The following PEPD variants were observed in gnomAD, a reference collection of about 807,000 sequenced individuals.
The protein encoded by PEPD is peptidase D.
In PEPD, 53 loss-of-function variants were observed where a neutral mutation model predicts 60.7. The observed-to-expected ratio is 0.87, with a 90% CI of 0.70 to 1.10. The LOEUF (loss-of-function observed/expected upper bound fraction) is 1.10. Among genes scored for constraint, PEPD ranks in the 50% least tolerant of loss-of-function variants. The probability of loss-of-function intolerance (pLI) is 0.00; values close to 1 mark genes in which losing one functional copy is unlikely to be tolerated. For missense variants in PEPD, 711 were observed against 711.9 expected (o/e 1.00, Z 0.01); for synonymous variants, 267 against 284.1 (o/e 0.94, Z 0.60).
chr19:33,413,970 C>T lies in PEPD; in HGVS notation c.672-327G>A, dbSNP rs112061430. Among the ~76,000 whole-genome samples the T allele has an allele frequency of 5.8e-4, 89 of 152,342 alleles. 1 individual carries two copies. Among genetic ancestry groups the T allele is most frequent in the Middle Eastern group, 3.4e-3 (1 of 294 alleles). Reference sequence around the variant, plus strand: ...TCAGGACAGATGGGACTCCTGGAGCCTGCGCCCTGTGGGAAGCCGGGCTGG... The same window carrying T: ...TCAGGACAGATGGGACTCCTGGAGCTTGCGCCCTGTGGGAAGCCGGGCTGG... On this transcript the variant is annotated intron_variant, in intron 9 of 14. Coordinates refer to ENST00000244137, the MANE Select transcript of PEPD (RefSeq NM_000285.4).
chr19:33,461,433 C>A (rs1259103105), intron 9 of PEPD, among the ~76,000 whole-genome samples: 1 of 152,170 alleles, frequency 6.6e-6, no homozygotes, highest in Non-Finnish European at 1.5e-5. Context: ...GGGTCGGGCT[C>A]TGGGACGCTG....
At chr19:33,450,108 GCTT>G (rs1969668649) in intron 9 of PEPD, among the ~76,000 whole-genome samples, 2 of 152,248 alleles carry the variant, frequency 1.3e-5, no homozygotes, top group Non-Finnish European at 2.9e-5. Flanking sequence ...AGGTGTGACT[GCTT>G]CTTCTTGACT....
chr19:33,433,771 C>T (rs1170111507), intron 9 of PEPD, among the ~76,000 whole-genome samples: 3 of 152,192 alleles, frequency 2.0e-5, no homozygotes, highest in African/African-American at 7.2e-5. Flanking sequence ...GGTCATTTTA[C>T]CGTGTCGGTC....
chr19:33,389,940 G>C (rs1968174029), intron 13 of PEPD, among the ~76,000 whole-genome samples: 1 of 152,384 alleles, frequency 6.6e-6, no homozygotes, highest in African/African-American at 2.4e-5. Flanking sequence ...AGAGCCATGT[G>C]GGGAGGGCAC....
chr19:33,514,843 T>A (rs1970996854), intron 1 of PEPD, among the ~76,000 whole-genome samples: 1 of 151,240 alleles, frequency 6.6e-6, no homozygotes, highest in South Asian at 2.1e-4. Context: ...TCCACTGTCT[T>A]CCTCCCTCTC....
chr19:33,411,670 AC>A lies in PEPD; in HGVS notation c.818+1del. 1 of 1,582,916 alleles carries A rather than the reference AC, an allele frequency of 6.3e-7. No homozygotes were observed. Among genetic ancestry groups the A allele is most frequent in the Non-Finnish European group, 8.7e-7 (1 of 1,152,014 alleles). On this transcript the variant is annotated splice_donor_variant, in intron 11 of 14. Transcript: ENST00000244137. LOFTEE classifies it high-confidence loss of function. ...AGAGCCAGGGCCGCTGGCCCTACTT[AC>A]CACATATCCCCATTCTGGATCGTTC...
At chr19:33,459,241 C>T (rs1969882633) in intron 9 of PEPD, among the ~76,000 whole-genome samples, 2 of 152,136 alleles carry the variant, frequency 1.3e-5, no homozygotes, top group South Asian at 4.1e-4. Context: ...TCTCATGACC[C>T]CCCAGAAACA....
intron 9 of PEPD, among the ~76,000 whole-genome samples, chr19:33,416,342 A>G (rs931243730): frequency 6.6e-6 from 1 of 152,144 alleles, no homozygotes; most frequent in Non-Finnish European, 1.5e-5. Flanking sequence ...TCATCCCTGG[A>G]GCAGGCTAGC....
intron 12 of PEPD, chr19:33,396,286 CG>C (rs1968358244): frequency 6.6e-6 from 1 of 152,444 alleles, no homozygotes; most frequent in South Asian, 2.1e-4. Context: ...CTGCCCCTGG[CG>C]CTGGCTGGGA....
chr19:33,489,075 C>T (rs941886189), intron 6 of PEPD, among the ~76,000 whole-genome samples: 5 of 152,070 alleles, frequency 3.3e-5, no homozygotes, highest in African/African-American at 1.2e-4. Context: ...GCAGGGCTCT[C>T]CCGCCCTCTC....
At chr19:33,389,276 G>A (rs1164716178) in intron 13 of PEPD, among the ~76,000 whole-genome samples, 3 of 152,150 alleles carry the variant, frequency 2.0e-5, no homozygotes, top group African/African-American at 4.8e-5. Flanking sequence ...GTGTGGCCCC[G>A]GCCCCACAAC....
chr19:33,505,251 C>T (rs1970777629), intron 3 of PEPD, among the ~76,000 whole-genome samples: 1 of 152,256 alleles, frequency 6.6e-6, no homozygotes, highest in Non-Finnish European at 1.5e-5. Context: ...GACTCTCACT[C>T]TGCTCTCCAC....
chr19:33,413,714 C>T, intron 9 of PEPD, 71 bp from the exon 10 acceptor site: 2 of 940,426 alleles, frequency 2.1e-6, no homozygotes, highest in South Asian at 1.4e-5. Flanking sequence ...GCCCCATGAA[C>T]CCCAAGGGAA....
At chr19:33,501,365 T>C (rs1970710527) in intron 3 of PEPD, among the ~76,000 whole-genome samples, 1 of 152,184 alleles carries the variant, frequency 6.6e-6, no homozygotes. Flanking sequence ...TAAAACAATC[T>C]GCCTGCCAGG....
chr19:33,387,573 G>A (rs1462261125), intron 14 of PEPD, 92 bp from the exon 15 acceptor site: 1 of 1,530,754 alleles, frequency 6.5e-7, no homozygotes, highest in Admixed American at 1.7e-5. Flanking sequence ...CCCACCATGG[G>A]ATGGGAGCAG....
chr19:33,471,024 G>A (rs1970111139), intron 7 of PEPD, among the ~76,000 whole-genome samples: 1 of 152,172 alleles, frequency 6.6e-6, no homozygotes, highest in Admixed American at 6.5e-5. Flanking sequence ...TGCCAAAGGA[G>A]AAAGGACCAC....
intron 7 of PEPD, among the ~76,000 whole-genome samples, chr19:33,471,839 T>G (rs1970126290): frequency 6.6e-6 from 1 of 151,574 alleles, no homozygotes; most frequent in African/African-American, 2.4e-5. Context: ...GGCATCACAG[T>G]GATAACCTGT....
Position 33,513,862 on chromosome 19 carries a change from G to A in PEPD, c.18-1086C>T, listed in dbSNP as rs1465207000. On this transcript the variant is annotated intron_variant, in intron 1 of 14. Coordinates refer to ENST00000244137, the MANE Select transcript of PEPD (RefSeq NM_000285.4). The stretch of plus-strand genomic sequence containing the variant: ...AATGCTCTTCCCAAGGGCATCCCAT[G>A]CCCTTTTACCCAGCCTCTGCAGAAA... 6.2e-5 allele frequency among the ~76,000 whole-genome samples: 3 copies of A among 48,186 alleles called. No individual in the cohort carries two copies. In the East Asian group the frequency reaches 1.5e-3, roughly 24 times the overall value. The allele number at this position is 48,186 out of a possible 152,430, so 31.6% of individuals were successfully genotyped here.
At chr19:33,390,114 A>G (rs759727401) in intron 13 of PEPD, among the ~76,000 whole-genome samples, 3 of 152,276 alleles carry the variant, frequency 2.0e-5, no homozygotes, top group Non-Finnish European at 4.4e-5. Context: ...CTGAAATAAA[A>G]CAAATGACTT....
Sources: allele counts gnomAD v4.1 joint callset (sites outside exome capture counted in the v4.1 genomes callset), GRCh38; gene constraint gnomAD v4.1.1; transcripts MANE v1.5; gene names NCBI Gene and HGNC (gene_info 2026-07-23, HGNC 2026-07-21).